Variants in CHD9 observed in about 807,000 individuals in gnomAD.
The protein encoded by CHD9 is chromodomain helicase DNA binding protein 9, also known as ATP-dependent chromatin remodeler CHD9.
In CHD9, 77 loss-of-function variants were observed where a neutral mutation model predicts 316.1. The ratio of observed to expected loss-of-function variants is 0.24; its 90% CI spans 0.20 to 0.29. The LOEUF is 0.29. Among genes scored for constraint, CHD9 ranks in the 10% least tolerant of loss-of-function variants. CHD9 has a pLI of 1.00. For missense variants in CHD9, 2,763 were observed against 3,438.1 expected, an observed-to-expected ratio of 0.80 and a Z score of 4.91; for synonymous variants, 1,129 against 1,158.3, an observed-to-expected ratio of 0.97 and a Z score of 0.51.
intron 1 of CHD9, among the ~76,000 whole-genome samples, chr16:53,070,856 A>T (rs2033987012): frequency 6.6e-6 from 1 of 152,128 alleles, no homozygotes; most frequent in South Asian, 2.1e-4. Flanking sequence ...ACCTGGCCAT[A>T]TGTCTTTCTT....
rs752704005 is a variant in CHD9, at chr16:53,139,388, TAATA to T, written c.-164-16533_-164-16530del. ...TTGTATTAATAAGGTGCTAATCATA[TAATA>T]AATACTACAAATATAAATATGCAAA... On this transcript the variant is annotated intron_variant, in intron 1 of 38. Transcript: ENST00000447540. Among the ~76,000 whole-genome samples, 93 of 152,310 alleles carry T rather than the reference TAATA, an allele frequency of 6.1e-4. 1 individual carries two copies. Among genetic ancestry groups the T allele is most frequent in the South Asian group, 3.1e-3 (15 of 4,830 alleles).
At chr16:53,098,451 G>A (rs2036559447) in intron 1 of CHD9, among the ~76,000 whole-genome samples, 1 of 147,424 alleles carries the variant, frequency 6.8e-6, no homozygotes, top group Non-Finnish European at 1.5e-5. Context: ...ACTCCAGCCT[G>A]GGCAACAGAG....
At chr16:53,295,846 C>A (rs1408356213) in intron 29 of CHD9, among the ~76,000 whole-genome samples, 1 of 152,198 alleles carries the variant, frequency 6.6e-6, no homozygotes, top group African/African-American at 2.4e-5. Flanking sequence ...TCTACACCTG[C>A]ACTAAGGTTT....
chr16:53,158,859 G>C (rs921726317), intron 2 of CHD9, among the ~76,000 whole-genome samples: 1 of 151,972 alleles, frequency 6.6e-6, no homozygotes, highest in Non-Finnish European at 1.5e-5. Flanking sequence ...CTAATCTTGA[G>C]CTCCTGTACT....
intron 22 of CHD9, among the ~76,000 whole-genome samples, chr16:53,271,816 A>T (rs1378828863): frequency 6.6e-6 from 1 of 152,140 alleles, no homozygotes; most frequent in Non-Finnish European, 1.5e-5. Flanking sequence ...AATCTGGGAA[A>T]ATCTTGTTAG....
At chr16:53,227,098 A>C (rs1245793762) in intron 5 of CHD9, 1 of 236,384 alleles carries the variant, frequency 4.2e-6, no homozygotes, top group Non-Finnish European at 8.1e-6. Flanking sequence ...TAATCTGTAA[A>C]ATGGAAATGA....
intron 1 of CHD9, among the ~76,000 whole-genome samples, chr16:53,140,416 CAAAAA>C (rs544725340): frequency 1.0e-5 from 1 of 99,342 alleles, no homozygotes; most frequent in African/African-American, 3.5e-5. Flanking sequence ...AACTCTGTCT[CAAAAA>C]AAAAAAAAAA....
chr16:53,287,970 C>G lies in CHD9; in HGVS notation c.5203C>G (p.Pro1735Ala), dbSNP rs773427499. 6.2e-7 allele frequency: 1 copy of G among 1,609,958 alleles called. No homozygotes were observed. The highest frequency in any genetic ancestry group is 1.1e-5 in the South Asian group (1 of 90,986). ...NDYMDGDVED[P>A]EYKPAPAIFK... ...GTATTTTAACAGGGATGTGGAAGAT[C>G]CAGAATACAAACCTGCCCCAGCCAT... The change falls in exon 27 of 39, where the codon CCA becomes GCA. Residue 1735 changes from proline (P) to alanine (A), a missense_variant. Physicochemically the swap from Pro to Ala is conservative, Grantham distance 27. Coordinates refer to ENST00000447540, the MANE Select transcript of CHD9 (RefSeq NM_001308319.2).
chr16:53,191,250 T>C (rs1302065926), intron 2 of CHD9, among the ~76,000 whole-genome samples: 2 of 152,126 alleles, frequency 1.3e-5, no homozygotes, highest in African/African-American at 4.8e-5. Flanking sequence ...TTTTAAACAT[T>C]TATGTCTTCT....
At chr16:53,292,408 G>A (rs2054416365) in intron 28 of CHD9, among the ~76,000 whole-genome samples, 1 of 152,194 alleles carries the variant, frequency 6.6e-6, no homozygotes, top group Non-Finnish European at 1.5e-5. Flanking sequence ...CTTGAACTTC[G>A]AAAATGTTTC....
chr16:53,210,106 CAAAAT>C (rs766271483), intron 3 of CHD9, among the ~76,000 whole-genome samples: 8 of 151,878 alleles, frequency 5.3e-5, no homozygotes, highest in Non-Finnish European at 8.8e-5. Context: ...TAAAAACAAA[CAAAAT>C]GAAATCCATA....
At position 53,267,365 on chromosome 16, in the gene CHD9, G is replaced by A. The variant is rs2051801384; in HGVS notation, c.4392G>A (p.Leu1464=). 6.2e-7 allele frequency: 1 copy of A among 1,612,532 alleles called. No individual in the cohort carries two copies. Among genetic ancestry groups the A allele is most frequent in the Non-Finnish European group, 8.5e-7 (1 of 1,179,160 alleles). ...TRPFSATKDE[L]AELSEAESEG... ...CTTTTAGTGCCACAAAAGATGAATTGGCTGAATTATCTGAAGCTGAAAGTG... is the reference window on the plus strand; with the variant it reads ...CTTTTAGTGCCACAAAAGATGAATTAGCTGAATTATCTGAAGCTGAAAGTG... Residue 1464 remains leucine, a synonymous_variant, in exon 21 of 39, where the codon TTG becomes TTA. Coordinates refer to ENST00000447540, the MANE Select transcript of CHD9 (RefSeq NM_001308319.2).
intron 30 of CHD9, chr16:53,298,530 T>C (rs12596211): frequency 0.31 from 47,281 of 152,088 alleles, 7,517 homozygotes; most frequent in Middle Eastern, 0.39. Context: ...GCTGTGGTCC[T>C]GGCTACTTGA....
At chr16:53,266,268 T>C (rs2051681211) in intron 20 of CHD9, among the ~76,000 whole-genome samples, 2 of 152,274 alleles carry the variant, frequency 1.3e-5, no homozygotes, top group South Asian at 4.1e-4. Flanking sequence ...TTGGCAAAAG[T>C]TAACATCACC....
At chr16:53,215,483 T>C (rs2046679043) in intron 3 of CHD9, among the ~76,000 whole-genome samples, 1 of 152,192 alleles carries the variant, frequency 6.6e-6, no homozygotes, top group Non-Finnish European at 1.5e-5. Context: ...AGTTTAAGCT[T>C]GGGGTCTTGA....
chr16:53,078,538 T>C lies in CHD9; in HGVS notation c.-165+23461T>C, dbSNP rs1055163788. On this transcript the variant is annotated intron_variant, in intron 1 of 38. Coordinates refer to ENST00000447540, the MANE Select transcript of CHD9 (RefSeq NM_001308319.2). The stretch of plus-strand genomic sequence containing the variant: ...TTCTGTTCATTGTAAATTACTAGTC[T>C]GTAGTATTCTGTTATAGCAACATAA... 5.9e-5 allele frequency among the ~76,000 whole-genome samples: 9 copies of C among 152,344 alleles called. No homozygotes were observed. The East Asian group carries it at 1.5e-3, about 26-fold the overall frequency.
chr16:53,323,966 ACT>A (rs1347232648), intron 38 of CHD9, 52 bp from the exon 39 acceptor site: 8 of 1,408,624 alleles, frequency 5.7e-6, no homozygotes, highest in African/African-American at 2.9e-5. Flanking sequence ...TAAGCTAATA[ACT>A]CTTTATTTTA....
In CHD9 at chr16:53,226,355, G is replaced by A; in HGVS notation, c.1897-11G>A. ...AAATTATATAAATCTGATTCTTGTG[G>A]TTCATTACAGAAAAGAAGATCAAAT... On this transcript the variant is annotated splice_polypyrimidine_tract_variant and intron_variant, in intron 4 of 38. Coordinates refer to ENST00000447540, the MANE Select transcript of CHD9 (RefSeq NM_001308319.2). 1 of 1,521,710 alleles carries A rather than the reference G, an allele frequency of 6.6e-7. No homozygotes were observed. The highest frequency in any genetic ancestry group is 1.4e-5 in the African/African-American group (1 of 70,774). The allele number at this position is 1,521,710 out of a possible 1,614,324, so 94.3% of individuals were successfully genotyped here. A position where few individuals can be genotyped will look rare whatever the true frequency, so the allele number is the denominator to read the frequency against.
At chr16:53,260,506 T>C (rs1325286598) in intron 19 of CHD9, among the ~76,000 whole-genome samples, 1 of 152,130 alleles carries the variant, frequency 6.6e-6, no homozygotes, top group African/African-American at 2.4e-5. Flanking sequence ...TATGAGTTTT[T>C]ATAATATGTG....
Sources: gnomAD v4.1 joint callset for allele counts (sites outside exome capture counted in the v4.1 genomes callset) on GRCh38, gnomAD v4.1.1 for gene constraint, MANE v1.5 for transcripts, NCBI Gene and HGNC (gene_info 2026-07-23, HGNC 2026-07-21) for gene names.